Variants in ANXA4 observed in about 807,000 individuals in gnomAD.
ANXA4 encodes annexin A4.
A neutral mutation model predicts 49.8 loss-of-function variants in ANXA4; 39 were observed. The observed-to-expected ratio is 0.78, with a 90% CI of 0.61 to 1.02. The LOEUF (loss-of-function observed/expected upper bound fraction) is 1.02. Among genes scored for constraint, ANXA4 ranks in the 50% least tolerant of loss-of-function variants. The probability of loss-of-function intolerance (pLI) is 0.00; values close to 1 mark genes in which losing one functional copy is unlikely to be tolerated. For missense variants in ANXA4, 360 were observed against 410.1 expected (o/e 0.88, Z 1.05); for synonymous variants, 134 against 152.5 (o/e 0.88, Z 0.89).
At chr2:69,699,627 G>A (rs1678266968) in intron 2 of ANXA4, among the ~76,000 whole-genome samples, 1 of 151,980 alleles carries the variant, frequency 6.6e-6, no homozygotes. Flanking sequence ...GTGAGACCCT[G>A]TCCCAAAAAA....
chr2:69,682,063 G>T (rs190914697), intron 2 of ANXA4, among the ~76,000 whole-genome samples: 1 of 152,104 alleles, frequency 6.6e-6, no homozygotes, highest in African/African-American at 2.4e-5. Context: ...TGTTGCCTAA[G>T]CTGGTCTCAA....
rs777314385 is a variant in ANXA4 at position 69,743,739 on chromosome 2, TAGAC to T, written c.-47+1567_-47+1570del. ...GTACACCCCTGCCCCCACCCACACA[TAGAC>T]AGGCACAGACACACAACTACTGGAT... On this transcript the variant is annotated intron_variant, in intron 1 of 12. Transcript: ENST00000394295. Among the ~76,000 whole-genome samples, 7 of 152,246 alleles carry T rather than the reference TAGAC, an allele frequency of 4.6e-5. No homozygotes were observed. In the East Asian group the frequency reaches 7.7e-4, roughly 17 times the overall value.
At chr2:69,711,492 G>C (rs969166493) in intron 2 of ANXA4, among the ~76,000 whole-genome samples, 7 of 152,154 alleles carry the variant, frequency 4.6e-5, no homozygotes, top group Non-Finnish European at 1.0e-4. Flanking sequence ...TTTAGAAAAG[G>C]CAAAACTATA....
upstream of ANXA4, among the ~76,000 whole-genome samples, chr2:69,741,111 T>G (rs1427872933): frequency 6.6e-6 from 1 of 152,184 alleles, no homozygotes; most frequent in Non-Finnish European, 1.5e-5. Flanking sequence ...AAATTACATC[T>G]TAATGAAATA....
intron 2 of ANXA4, among the ~76,000 whole-genome samples, chr2:69,685,112 C>T (rs1677741116): frequency 6.6e-6 from 1 of 151,842 alleles, no homozygotes; most frequent in African/African-American, 2.4e-5. Flanking sequence ...AAAGCAGAGC[C>T]AGAAAAAAAT....
At chr2:69,822,629 C>T (rs1674290158) in intron 12 of ANXA4, among the ~76,000 whole-genome samples, 1 of 152,030 alleles carries the variant, frequency 6.6e-6, no homozygotes, top group African/African-American at 2.4e-5. Context: ...GTGAATGAAC[C>T]TTGAAAATAT....
At chr2:69,664,024 T>C (rs1315051486) in intron 2 of ANXA4, among the ~76,000 whole-genome samples, 8 of 152,118 alleles carry the variant, frequency 5.3e-5, no homozygotes, top group Non-Finnish European at 1.2e-4. Flanking sequence ...ACTGAGGACA[T>C]AGAGAAGATC....
At chr2:69,757,664 A>G (rs1314507011) in intron 1 of ANXA4, among the ~76,000 whole-genome samples, 1 of 151,540 alleles carries the variant, frequency 6.6e-6, no homozygotes, top group East Asian at 2.0e-4. Context: ...TGCCCTCCAA[A>G]AGTACTGTCC....
At chr2:69,748,846 G>T (rs564568964) in intron 1 of ANXA4, among the ~76,000 whole-genome samples, 1 of 151,994 alleles carries the variant, frequency 6.6e-6, no homozygotes, top group East Asian at 1.9e-4. Context: ...GGGTAGCTGG[G>T]ACTATAGGTG....
chr2:69,648,515 G>A (rs1035205057), intron 1 of ANXA4, among the ~76,000 whole-genome samples: 7 of 152,102 alleles, frequency 4.6e-5, no homozygotes, highest in Admixed American at 2.6e-4. Context: ...TAAGAACCAT[G>A]TCCTTTTTAA....
At chr2:69,643,810 C>A, upstream of ANXA4, 20 of 1,184,604 alleles carry the variant, frequency 1.7e-5, no homozygotes, top group Non-Finnish European at 2.1e-5. Context: ...GAACCGCCGC[C>A]GGAAGTGCCC....
intron 5 of ANXA4, among the ~76,000 whole-genome samples, chr2:69,807,310 A>T (rs1186339049): frequency 6.6e-6 from 1 of 152,132 alleles, no homozygotes; most frequent in Non-Finnish European, 1.5e-5. Flanking sequence ...CAGGTCTACT[A>T]TAGGCTTACT....
In ANXA4 at chr2:69,693,656, G is replaced by A. The variant is rs573884771; in HGVS notation, n.767-27118G>A. ...AGTGTCTGTGGGGACAGGAGAGGAA[G>A]GAAATGAAGCAGGCACAAAGTAGGT... is the stretch of plus-strand genomic sequence containing the variant. On this transcript the variant is annotated intron_variant and non_coding_transcript_variant, in intron 2 of 3. Transcript: ENST00000418066. 5.9e-5 allele frequency among the ~76,000 whole-genome samples: 9 copies of A among 152,252 alleles called. No homozygotes were observed. The South Asian group carries it at 1.9e-3, about 32-fold the overall frequency.
intron 3 of ANXA4, among the ~76,000 whole-genome samples, chr2:69,735,435 C>T (rs749602204): frequency 6.6e-6 from 1 of 152,124 alleles, no homozygotes; most frequent in Non-Finnish European, 1.5e-5. Flanking sequence ...AATCTATCGA[C>T]TTAGGGTGCT....
chr2:69,800,888 G>T (rs1276918017), intron 3 of ANXA4, among the ~76,000 whole-genome samples: 3 of 152,190 alleles, frequency 2.0e-5, no homozygotes, highest in Non-Finnish European at 2.9e-5. Flanking sequence ...ATAGGGAAAA[G>T]AAAGAGACTA....
At chr2:69,659,113 G>T (rs914338953) in intron 2 of ANXA4, among the ~76,000 whole-genome samples, 2 of 152,098 alleles carry the variant, frequency 1.3e-5, no homozygotes, top group African/African-American at 4.8e-5. Context: ...GTAAATCAGA[G>T]TTACTTTGTG....
chr2:69,801,677 T>C (rs1439245449), intron 3 of ANXA4, among the ~76,000 whole-genome samples: 2 of 152,140 alleles, frequency 1.3e-5, no homozygotes, highest in Admixed American at 1.3e-4. Flanking sequence ...GTGCTAGGAT[T>C]ACAGGCATGA....
At chr2:69,727,257 C>A (rs1669985127) in intron 3 of ANXA4, among the ~76,000 whole-genome samples, 1 of 152,190 alleles carries the variant, frequency 6.6e-6, no homozygotes, top group African/African-American at 2.4e-5. Context: ...TTGAAAATGT[C>A]TTTTCATGAA....
Position 69,747,950 on chromosome 2 carries a change from G to T in ANXA4, c.-47+5775G>T, listed in dbSNP as rs1384987227. Among the ~76,000 whole-genome samples the T allele has an allele frequency of 2.0e-5, 3 of 151,974 alleles. No homozygotes were observed. In the South Asian group the frequency reaches 6.2e-4, roughly 32 times the overall value. ...CTGCCTTGGTCTCCCGAAGTGCTGG[G>T]ATTACAGGCATGAACCACTGGCCCG... On this transcript the variant is annotated intron_variant, in intron 1 of 12. Coordinates refer to ENST00000394295, the MANE Select transcript of ANXA4 (RefSeq NM_001153.5).
Sources: allele counts gnomAD v4.1 joint callset (sites outside exome capture counted in the v4.1 genomes callset), GRCh38; gene constraint gnomAD v4.1.1; transcripts MANE v1.5; gene names NCBI Gene and HGNC (gene_info 2026-07-23, HGNC 2026-07-21).